UNC5A: variants seen among roughly 807,000 people sequenced by gnomAD.
The protein encoded by UNC5A is unc-5 netrin receptor A.
In UNC5A, 20 loss-of-function variants were observed where a neutral mutation model predicts 87.4. The ratio of observed to expected loss-of-function variants is 0.23; its 90% confidence interval spans 0.16 to 0.33. UNC5A has a LOEUF of 0.33. UNC5A is among the 10% of genes least tolerant of loss of function. The pLI is 1.00. For missense variants in UNC5A, 844 were observed against 1,133.4 expected, an observed-to-expected ratio of 0.74 and a Z score of 3.67; for synonymous variants, 438 against 482.3, an observed-to-expected ratio of 0.91 and a Z score of 1.20.
chr5:176,849,037 G>A (rs1271512002), intron 1 of UNC5A, among the ~76,000 whole-genome samples: 1 of 152,184 alleles, frequency 6.6e-6, no homozygotes, highest in Admixed American at 6.5e-5. Context: ...TGCTGGCAAG[G>A]GCAGGAAGAG....
At chr5:176,815,540 G>T (rs562025823) in intron 1 of UNC5A, among the ~76,000 whole-genome samples, 1 of 152,312 alleles carries the variant, frequency 6.6e-6, no homozygotes, top group East Asian at 1.9e-4. Flanking sequence ...TTGCTTTCTG[G>T]GGTTATAGTA....
Position 176,839,527 on chromosome 5 carries a change from C to A in UNC5A, c.71-23097C>A, listed in dbSNP as rs576055795. ...GGGCCGCTGTCTGGACAGTCTCAGG[C>A]TGTCCCTGGTGCCCAGGTCACATGG... On this transcript the variant is annotated intron_variant, in intron 1 of 14. Transcript: ENST00000329542. Among the ~76,000 whole-genome samples the A allele has an allele frequency of 5.9e-5, 9 of 152,362 alleles. No individual in the cohort carries two copies. In the South Asian group the frequency reaches 1.7e-3, roughly 28 times the overall value.
At chr5:176,843,498 T>C (rs1372598383) in intron 1 of UNC5A, among the ~76,000 whole-genome samples, 1 of 152,226 alleles carries the variant, frequency 6.6e-6, no homozygotes, top group Non-Finnish European at 1.5e-5. Context: ...GGTGAAGCTA[T>C]TCTGTGTCTT....
At chr5:176,867,361 C>T (rs1045667003) in intron 2 of UNC5A, among the ~76,000 whole-genome samples, 22 of 152,126 alleles carry the variant, frequency 1.4e-4, no homozygotes, top group Non-Finnish European at 2.2e-4. Flanking sequence ...GGAGCGGAGT[C>T]CCCCCAGCTC....
chr5:176,847,776 C>A (rs909569342), intron 1 of UNC5A, among the ~76,000 whole-genome samples: 1 of 152,120 alleles, frequency 6.6e-6, no homozygotes, highest in Non-Finnish European at 1.5e-5. Flanking sequence ...GAGCCAATGA[C>A]CCCTTCAAGA....
intron 1 of UNC5A, among the ~76,000 whole-genome samples, chr5:176,813,293 G>A (rs1040995175): frequency 5.3e-5 from 8 of 152,214 alleles, no homozygotes; most frequent in Non-Finnish European, 1.2e-4. Context: ...CCTTGAAGAT[G>A]GGGCTGAGGG....
intron 1 of UNC5A, among the ~76,000 whole-genome samples, chr5:176,828,089 AC>A (rs1338846792): frequency 6.7e-6 from 1 of 149,576 alleles, no homozygotes; most frequent in African/African-American, 2.5e-5. Context: ...CCTCCTCCAC[AC>A]CCACCCCCAG....
intron 13 of UNC5A, 107 bp downstream of exon 13, chr5:176,878,746 C>G: frequency 1.4e-6 from 2 of 1,422,528 alleles, no homozygotes; most frequent in East Asian, 2.4e-5. Flanking sequence ...ACTCTCCCTC[C>G]CGCCTGTCCC....
chr5:176,838,086 T>C lies in UNC5A; in HGVS notation c.71-24538T>C, dbSNP rs1001853465. Among the ~76,000 whole-genome samples, 24 of 152,180 alleles carry C rather than the reference T, an allele frequency of 1.6e-4. No homozygotes were observed. Among genetic ancestry groups the C allele is most frequent in the African/African-American group, 5.3e-4 (22 of 41,452 alleles). On this transcript the variant is annotated intron_variant, in intron 1 of 14. Transcript: ENST00000329542. The surrounding 1 kb of genome is among the most constrained non-coding windows in gnomAD (Gnocchi z 4.2). The stretch of plus-strand genomic sequence containing the variant: ...CTTTGTGGTGGGGACTCCCACCCCA[T>C]AGGCTTCCGTTGAAATTCCCGGAAC...
intron 1 of UNC5A, among the ~76,000 whole-genome samples, chr5:176,821,634 C>T (rs953440805): frequency 6.6e-6 from 1 of 152,192 alleles, no homozygotes; most frequent in Admixed American, 6.5e-5. Context: ...ATACTCCCAC[C>T]ACAGCCTATA....
intron 2 of UNC5A, among the ~76,000 whole-genome samples, chr5:176,863,504 C>T (rs974370496): frequency 6.6e-6 from 1 of 152,074 alleles, no homozygotes; most frequent in Non-Finnish European, 1.5e-5. Context: ...AGGGGGCCAG[C>T]CAGACTCAGC....
At chr5:176,822,223 C>T (rs547561603) in intron 1 of UNC5A, among the ~76,000 whole-genome samples, 2 of 152,352 alleles carry the variant, frequency 1.3e-5, no homozygotes, top group African/African-American at 2.4e-5. Context: ...CTGTGTGGCC[C>T]GCGGGGCGGG....
intron 1 of UNC5A, among the ~76,000 whole-genome samples, chr5:176,862,032 A>C (rs1757853032): frequency 6.6e-6 from 1 of 152,196 alleles, no homozygotes; most frequent in Non-Finnish European, 1.5e-5. Flanking sequence ...ATTAGAAGGA[A>C]ACCCACATAT....
chr5:176,878,773 T>A, intron 13 of UNC5A, 134 bp downstream of exon 13: 1 of 1,210,090 alleles, frequency 8.3e-7, no homozygotes, highest in Non-Finnish European at 1.1e-6. Context: ...CACCTCCTCC[T>A]AGAAACCCCT....
intron 1 of UNC5A, among the ~76,000 whole-genome samples, chr5:176,831,214 T>A (rs1238366568): frequency 1.3e-5 from 2 of 152,182 alleles, no homozygotes; most frequent in African/African-American, 4.8e-5. Context: ...GCTGTCGCCA[T>A]ACAAGACAGG....
In UNC5A at chr5:176,848,333, CAG is replaced by C. The variant is rs1757463354; in HGVS notation, c.71-14290_71-14289del. 6.6e-6 allele frequency among the ~76,000 whole-genome samples: 1 copy of C among 152,124 alleles called. No individual in the cohort carries two copies. The highest frequency in any genetic ancestry group is 2.1e-4 in the South Asian group (1 of 4,824). ...GAGGCCCTGGGACTCAGGGCCCAGA[CAG>C]GGCAGCGGCTCATCTGAGGCTGCAT... On this transcript the variant is annotated intron_variant, in intron 1 of 14. Coordinates refer to ENST00000329542, the MANE Select transcript of UNC5A (RefSeq NM_133369.3). The surrounding 1 kb of genome is among the most constrained non-coding windows in gnomAD (Gnocchi z 5.8).
chr5:176,851,125 G>A (rs938769160), intron 1 of UNC5A, among the ~76,000 whole-genome samples: 4 of 152,242 alleles, frequency 2.6e-5, no homozygotes, highest in Non-Finnish European at 5.9e-5. Flanking sequence ...CCGGGGCACT[G>A]TAGCCAGCCT....
chr5:176,880,804 T>C lies in UNC5A; in HGVS notation c.*918T>C, dbSNP rs1758402477. 2.7e-6 allele frequency: 1 copy of C among 368,620 alleles called. No individual in the cohort carries two copies. The highest frequency in any genetic ancestry group is 4.8e-6 in the Non-Finnish European group (1 of 206,324). The allele number at this position is 368,620 out of a possible 1,614,324, so 22.8% of individuals were successfully genotyped here. A position where few individuals can be genotyped will look rare whatever the true frequency, so the allele number is the denominator to read the frequency against. On this transcript the variant is annotated 3_prime_UTR_variant, in exon 15 of 15. Coordinates refer to ENST00000329542, the MANE Select transcript of UNC5A (RefSeq NM_133369.3). ...GTCTTAAGTGCATTCACGCACTTAC[T>C]CTTGGCCTTATGTACACAGCCTTGC...
Position 176,877,295 on chromosome 5 carries a change from C to T in UNC5A, c.1466+16C>T, listed in dbSNP as rs1409814957. The T allele has an allele frequency of 1.9e-6, 3 of 1,607,018 alleles. No homozygotes were observed. The highest frequency in any genetic ancestry group is 2.6e-6 in the Non-Finnish European group (3 of 1,175,832). On this transcript the variant is annotated intron_variant, in intron 9 of 14. Coordinates refer to ENST00000329542, the MANE Select transcript of UNC5A (RefSeq NM_133369.3). ...AAGACGTGAGGTGTGGCCGCGGGCC[C>T]TGTTGCCGGGGGTGGGAGGGACCTG... is the stretch of plus-strand genomic sequence containing the variant.
Sources: allele counts gnomAD v4.1 joint callset (sites outside exome capture counted in the v4.1 genomes callset), GRCh38; gene constraint gnomAD v4.1.1; non-coding constraint Gnocchi (gnomAD v3.1); transcripts MANE v1.5; gene names NCBI Gene and HGNC (gene_info 2026-07-23, HGNC 2026-07-21).